DENND4C: variants seen among roughly 807,000 people sequenced by gnomAD.
DENND4C encodes DENN domain containing 4C.
In DENND4C, 108 loss-of-function variants were observed where a neutral mutation model predicts 203.0. That is an observed-to-expected ratio of 0.53 (90% CI 0.46 to 0.62). The LOEUF (loss-of-function observed/expected upper bound fraction) is 0.62, where lower values mean the gene tolerates loss of function less well. DENND4C is among the 20% of genes least tolerant of loss of function. DENND4C has a pLI of 0.00. For synonymous variants in DENND4C, 871 were observed against 792.4 expected (o/e 1.10, Z -1.67); for missense variants, 2,481 against 2,301.2 (o/e 1.08, Z -1.60).
rs570021731 is a variant in DENND4C, at chr9:19,298,184, G to A, written c.1107+62G>A. On this transcript the variant is annotated intron_variant, in intron 7 of 32. Transcript: ENST00000434457. ...ATATGCTCACCTGAGTCATTGCAGA[G>A]TGGATTCTGTATACCTTTGGGTTTG... The A allele has an allele frequency of 6.2e-6, 9 of 1,455,158 alleles. No individual in the cohort carries two copies. In the African/African-American group the frequency reaches 1.3e-4, roughly 20 times the overall value. 90.1% of individuals were successfully genotyped at this position (1,455,158 alleles called of 1,614,324 possible). A position where few individuals can be genotyped will look rare whatever the true frequency, so the allele number is the denominator to read the frequency against.
intron 16 of DENND4C, among the ~76,000 whole-genome samples, chr9:19,328,592 G>T (rs7860968): frequency 0.016 from 2,365 of 150,814 alleles, 57 homozygotes; most frequent in African/African-American, 0.055. Flanking sequence ...CAGCCTGGGT[G>T]ACAAGAGTGA....
At chr9:19,287,347 A>G (rs534387006) in intron 3 of DENND4C, among the ~76,000 whole-genome samples, 21 of 152,240 alleles carry the variant, frequency 1.4e-4, no homozygotes, top group African/African-American at 5.1e-4. Flanking sequence ...CTCTCCTTAC[A>G]TTCATTTATT....
At chr9:19,230,625 C>T (rs1202356270), upstream of DENND4C, 2 of 152,128 alleles carry the variant, frequency 1.3e-5, no homozygotes, top group African/African-American at 2.4e-5. Flanking sequence ...CGGGCCAGCG[C>T]TCCGGCCATC....
At chr9:19,320,050 G>A (rs963474512) in intron 12 of DENND4C, among the ~76,000 whole-genome samples, 3 of 151,942 alleles carry the variant, frequency 2.0e-5, no homozygotes, top group African/African-American at 4.8e-5. Context: ...TGCAGTGTCC[G>A]GTAGAAATAT....
At chr9:19,247,941 A>T (rs1825682234) in intron 1 of DENND4C, among the ~76,000 whole-genome samples, 2 of 152,058 alleles carry the variant, frequency 1.3e-5, no homozygotes, top group Admixed American at 6.6e-5. Context: ...CCAATATTAT[A>T]ATTTCTTGCT....
chr9:19,355,586 G>C (rs1825214860), intron 26 of DENND4C, among the ~76,000 whole-genome samples: 2 of 152,004 alleles, frequency 1.3e-5, no homozygotes, highest in Non-Finnish European at 2.9e-5. Context: ...TCATATTTCA[G>C]TTCCCATGTA....
rs1345577215 is a variant in DENND4C at position 19,340,860 on chromosome 9, C to T, written c.2882-132C>T. ...CATTATTTTTAAAATGTTCTGTGTT[C>T]CTTGTGTGCTTTCTTGTCTTCCTTT... On this transcript the variant is annotated intron_variant, in intron 20 of 32. Transcript: ENST00000434457. 3 of 699,282 alleles carry T rather than the reference C, an allele frequency of 4.3e-6. No individual in the cohort carries two copies. In the African/African-American group the frequency reaches 5.6e-5, roughly 13 times the overall value. 43.3% of individuals were successfully genotyped at this position (699,282 alleles called of 1,614,324 possible). A position where few individuals can be genotyped will look rare whatever the true frequency, so the allele number is the denominator to read the frequency against.
chr9:19,360,805 T>C (rs1563841909), intron 29 of DENND4C, among the ~76,000 whole-genome samples: 1 of 152,210 alleles, frequency 6.6e-6, no homozygotes, highest in African/African-American at 2.4e-5. Flanking sequence ...ATGTCTTTTT[T>C]CTTAAGGGAT....
intron 22 of DENND4C, among the ~76,000 whole-genome samples, chr9:19,344,740 T>C (rs1433352120): frequency 5.3e-5 from 8 of 152,106 alleles, no homozygotes; most frequent in African/African-American, 1.4e-4. Flanking sequence ...TGAGCTCAGG[T>C]GATCCGCCTG....
intron 7 of DENND4C, 58 bp downstream of exon 7, chr9:19,298,180 C>G (rs1036712869): frequency 1.8e-5 from 26 of 1,472,394 alleles, no homozygotes; most frequent in Non-Finnish European, 2.3e-5. Flanking sequence ...TGAGTCATTG[C>G]AGAGTGGATT....
chr9:19,328,637 GTC>G (rs1353746366), intron 16 of DENND4C, among the ~76,000 whole-genome samples: 3 of 71,262 alleles, frequency 4.2e-5, no homozygotes, highest in East Asian at 9.2e-4. Context: ...ATATGTGTCT[GTC>G]TGTCTGTCTG....
At chr9:19,293,334 T>A (rs1468087429) in intron 5 of DENND4C, among the ~76,000 whole-genome samples, 1 of 152,200 alleles carries the variant, frequency 6.6e-6, no homozygotes, top group Non-Finnish European at 1.5e-5. Context: ...GAGATCACTT[T>A]GAAATAATTA....
At chr9:19,269,970 A>G (rs902890457) in intron 1 of DENND4C, among the ~76,000 whole-genome samples, 2 of 152,216 alleles carry the variant, frequency 1.3e-5, no homozygotes, top group African/African-American at 4.8e-5. Context: ...AGCCGTATCT[A>G]CATTAGGGAG....
intron 1 of DENND4C, 48 bp from the exon 2 acceptor site, chr9:19,276,109 CA>C: frequency 1.0e-6 from 1 of 991,550 alleles, no homozygotes; most frequent in East Asian, 3.3e-5. Flanking sequence ...TAATTTTTGT[CA>C]GGATAAAGTA....
In DENND4C at chr9:19,324,493, G is replaced by T; in HGVS notation, c.1939G>T (p.Asp647Tyr). 1.2e-6 allele frequency: 2 copies of T among 1,605,152 alleles called. No homozygotes were observed. The highest frequency in any genetic ancestry group is 2.2e-5 in the South Asian group (2 of 89,282). Residue 647 changes from aspartate to tyrosine, a missense_variant, in exon 13 of 33, where the codon GAC (aspartate) becomes TAC (tyrosine). Transcript: ENST00000434457. ...AGATACTGGATTAGCATTTTTTGAT[G>T]ACTGCATAGAAAAGGTAAAAGTTTG... ...DKDTGLAFFD[D>Y]CIEKLFPDKG...
intron 1 of DENND4C, among the ~76,000 whole-genome samples, chr9:19,275,133 A>G (rs1832619601): frequency 1.3e-5 from 2 of 150,250 alleles, no homozygotes; most frequent in Non-Finnish European, 3.0e-5. Context: ...GCCCACCACC[A>G]CACCTGGCTA....
At chr9:19,357,309 G>GAT (rs1338255788) in intron 27 of DENND4C, 155 bp downstream of exon 27, 2 of 638,222 alleles carry the variant, frequency 3.1e-6, no homozygotes, top group Non-Finnish European at 5.2e-6. Context: ...ACGAGCTAAT[G>GAT]AATGAATCTG....
chr9:19,252,902 A>AT (rs1827005140), intron 1 of DENND4C, among the ~76,000 whole-genome samples: 1 of 152,028 alleles, frequency 6.6e-6, no homozygotes, highest in East Asian at 1.9e-4. Flanking sequence ...CACCTGGCTA[A>AT]TTTTTTGTAT....
At chr9:19,321,553 A>G (rs1842878419) in intron 12 of DENND4C, among the ~76,000 whole-genome samples, 1 of 151,800 alleles carries the variant, frequency 6.6e-6, no homozygotes, top group Non-Finnish European at 1.5e-5. Context: ...GATGAGAAAT[A>G]GCTAATAGAG....
Sources: gnomAD v4.1 joint callset for allele counts (sites outside exome capture counted in the v4.1 genomes callset) on GRCh38, gnomAD v4.1.1 for gene constraint, MANE v1.5 for transcripts, NCBI Gene and HGNC (gene_info 2026-07-23, HGNC 2026-07-21) for gene names.